KHDRBS2: variants seen among roughly 807,000 people sequenced by gnomAD.
The protein encoded by KHDRBS2 is KH domain-containing, RNA-binding, signal transduction-associated protein 2.
In KHDRBS2, 26 loss-of-function variants were observed where a neutral mutation model predicts 44.3. The ratio of observed to expected loss-of-function variants is 0.59; its 90% confidence interval spans 0.43 to 0.81. The LOEUF is 0.81. Ranked by LOEUF, KHDRBS2 falls within the 40% of genes least tolerant of loss-of-function variation. KHDRBS2 has a pLI of 0.00. For missense variants in KHDRBS2, 476 were observed against 433.1 expected (o/e 1.10, Z -0.88); for synonymous variants, 194 against 151.1 (o/e 1.28, Z -2.08).
intron 6 of KHDRBS2, among the ~76,000 whole-genome samples, chr6:61,850,577 C>T (rs1016857645): frequency 6.6e-6 from 1 of 152,124 alleles, no homozygotes; most frequent in African/African-American, 2.4e-5. Flanking sequence ...ATAATTGTAT[C>T]AATCACACTT....
intron 1 of KHDRBS2, among the ~76,000 whole-genome samples, chr6:62,246,972 T>G (rs1189776667): frequency 6.6e-6 from 1 of 152,020 alleles, no homozygotes; most frequent in Non-Finnish European, 1.5e-5. Context: ...TTGAAAGAAT[T>G]TTATCAACAA....
chr6:61,975,653 G>GCACACACACACACACACACA (rs567222441), intron 4 of KHDRBS2, among the ~76,000 whole-genome samples: 1 of 88,322 alleles, frequency 1.1e-5, no homozygotes, highest in African/African-American at 3.2e-5. Context: ...TAAGCAAGAT[G>GCACACACACACACACACACA]CACACACACA....
intron 7 of KHDRBS2, among the ~76,000 whole-genome samples, chr6:61,717,235 AC>A (rs1470152126): frequency 6.6e-6 from 1 of 152,070 alleles, no homozygotes; most frequent in Non-Finnish European, 1.5e-5. Context: ...TTAAAAATCG[AC>A]AAATACAATG....
intron 2 of KHDRBS2, among the ~76,000 whole-genome samples, chr6:62,101,133 A>G (rs1801793156): frequency 6.6e-6 from 1 of 152,176 alleles, no homozygotes; most frequent in Non-Finnish European, 1.5e-5. Flanking sequence ...TATTTATAAT[A>G]TGAAGAGAAT....
intron 2 of KHDRBS2, among the ~76,000 whole-genome samples, chr6:62,108,064 C>G (rs1803935371): frequency 6.6e-6 from 1 of 152,130 alleles, no homozygotes; most frequent in Admixed American, 6.6e-5. Context: ...ACACCAAAAG[C>G]AATGGCAACA....
the KHDRBS2 span, among the ~76,000 whole-genome samples, chr6:61,671,005 G>A: frequency 9.2e-5 from 14 of 151,494 alleles, no homozygotes; most frequent in Non-Finnish European, 1.6e-4. Flanking sequence ...ATGGTATTGC[G>A]AAAATGACAC....
chr6:62,025,546 C>CTCTTGTATTATTT lies in KHDRBS2; in HGVS notation c.336+22331_336+22332insAAATAATACAAGA, dbSNP rs1440473001. 5.3e-5 allele frequency among the ~76,000 whole-genome samples: 8 copies of CTCTTGTATTATTT among 151,778 alleles called. No homozygotes were observed. The East Asian group carries it at 1.6e-3, about 29-fold the overall frequency. ...AAGGATAAATTTTTTTTAAATAATA[C>CTCTTGTATTATTT]AAGACCTCAATACCATTATCACACA... is the stretch of plus-strand genomic sequence containing the variant. On this transcript the variant is annotated intron_variant, in intron 3 of 8. Coordinates refer to ENST00000281156, the MANE Select transcript of KHDRBS2 (RefSeq NM_152688.4).
intron 7 of KHDRBS2, among the ~76,000 whole-genome samples, chr6:61,728,400 CT>C (rs1773920205): frequency 6.6e-6 from 1 of 151,546 alleles, no homozygotes; most frequent in African/African-American, 2.4e-5. Context: ...ACTTGTTTAC[CT>C]ATGTAATACA....
At chr6:62,161,526 G>A (rs1054877413) in intron 2 of KHDRBS2, among the ~76,000 whole-genome samples, 2 of 123,698 alleles carry the variant, frequency 1.6e-5, no homozygotes, top group Non-Finnish European at 3.2e-5. Flanking sequence ...GCAAATACTA[G>A]GCCATTTTAA....
intron 2 of KHDRBS2, among the ~76,000 whole-genome samples, chr6:62,091,219 G>C (rs1471403368): frequency 6.6e-6 from 1 of 152,164 alleles, no homozygotes; most frequent in East Asian, 1.9e-4. Context: ...CTTAGGGCTA[G>C]AAAGAAGCCC....
intron 3 of KHDRBS2, among the ~76,000 whole-genome samples, chr6:62,034,186 T>A (rs1784840595): frequency 1.3e-5 from 2 of 151,652 alleles, no homozygotes; most frequent in African/African-American, 4.8e-5. Flanking sequence ...AGTCTCTCCA[T>A]AAAAATTAAA....
chr6:62,159,568 A>T (rs1817187875), intron 2 of KHDRBS2, among the ~76,000 whole-genome samples: 1 of 152,110 alleles, frequency 6.6e-6, no homozygotes, highest in Non-Finnish European at 1.5e-5. Flanking sequence ...ATTAAAGTTG[A>T]TCCCTAAATG....
At chr6:61,615,659 A>T in the KHDRBS2 span, among the ~76,000 whole-genome samples, 5,097 of 152,270 alleles carry the variant, frequency 0.033, 279 homozygotes, top group African/African-American at 0.12. Flanking sequence ...TCCGAATTTG[A>T]AACATTTTGA....
Position 61,784,078 on chromosome 6 carries a change from G to A in KHDRBS2, c.811-51314C>T, listed in dbSNP as rs1457376365. On this transcript the variant is annotated intron_variant, in intron 6 of 8. Transcript: ENST00000281156. ...ACCCTAAAATTAAATCTAACAATAAGTATAGGCTTCCCAGCTAGAAATATT... is the reference window on the plus strand; with the variant it reads ...ACCCTAAAATTAAATCTAACAATAAATATAGGCTTCCCAGCTAGAAATATT... 2.6e-5 allele frequency among the ~76,000 whole-genome samples: 4 copies of A among 151,784 alleles called. No homozygotes were observed. The South Asian group carries it at 6.2e-4, about 24-fold the overall frequency.
At chr6:62,261,547 T>C (rs1236698499) in intron 1 of KHDRBS2, among the ~76,000 whole-genome samples, 1 of 151,838 alleles carries the variant, frequency 6.6e-6, no homozygotes, top group Non-Finnish European at 1.5e-5. Context: ...TAAAAGTAAA[T>C]AAGCTTCTAA....
At chr6:61,970,031 T>C (rs1489643822) in intron 4 of KHDRBS2, among the ~76,000 whole-genome samples, 1 of 152,040 alleles carries the variant, frequency 6.6e-6, no homozygotes, top group Admixed American at 6.6e-5. Flanking sequence ...GAAAGACATC[T>C]GAGAAATAGT....
At chr6:61,899,991 G>A (rs1408092371) in intron 5 of KHDRBS2, among the ~76,000 whole-genome samples, 1 of 151,872 alleles carries the variant, frequency 6.6e-6, no homozygotes, top group East Asian at 1.9e-4. Context: ...GTACAGTATT[G>A]TATTATGTCA....
intron 1 of KHDRBS2, among the ~76,000 whole-genome samples, chr6:62,276,048 G>C (rs931074184): frequency 3.3e-5 from 5 of 152,106 alleles, no homozygotes; most frequent in African/African-American, 1.2e-4. Flanking sequence ...CTCCTGAGTT[G>C]CAGTCAGGGC....
intron 4 of KHDRBS2, among the ~76,000 whole-genome samples, chr6:61,947,543 T>G (rs1287298709): frequency 6.6e-6 from 1 of 152,072 alleles, no homozygotes; most frequent in Non-Finnish European, 1.5e-5. Context: ...TAAGGGGAAA[T>G]GCAGTATCAG....
Sources: gnomAD v4.1 joint callset for allele counts (sites outside exome capture counted in the v4.1 genomes callset) on GRCh38, gnomAD v4.1.1 for gene constraint, MANE v1.5 for transcripts, NCBI Gene and HGNC (gene_info 2026-07-23, HGNC 2026-07-21) for gene names.